Variants in DCUN1D1 observed in about 807,000 individuals in gnomAD.
The protein encoded by DCUN1D1 is defective in cullin neddylation 1 domain containing 1.
In DCUN1D1, 3 loss-of-function variants were observed where a neutral mutation model predicts 39.0. That is an observed-to-expected ratio of 0.08 (90% CI 0.04 to 0.20). DCUN1D1 has a LOEUF of 0.20. Ranked by LOEUF, DCUN1D1 falls within the 10% of genes least tolerant of loss-of-function variation. DCUN1D1 has a pLI of 1.00. For missense variants in DCUN1D1, 158 were observed against 302.4 expected, an observed-to-expected ratio of 0.52 and a Z score of 3.54; for synonymous variants, 82 against 96.3, an observed-to-expected ratio of 0.85 and a Z score of 0.87.
Position 182,945,021 on chromosome 3 carries a change from C to T in DCUN1D1, c.*73G>A, listed in dbSNP as rs1726321808. 55 of 1,306,466 alleles carry T rather than the reference C, an allele frequency of 4.2e-5. No homozygotes were observed. Among genetic ancestry groups the T allele is most frequent in the Non-Finnish European group, 5.8e-5 (53 of 910,856 alleles). The allele number at this position is 1,306,466 out of a possible 1,614,324, so 80.9% of individuals were successfully genotyped here. A position where few individuals can be genotyped will look rare whatever the true frequency, so the allele number is the denominator to read the frequency against. On this transcript the variant is annotated 3_prime_UTR_variant, in exon 7 of 7. Transcript: ENST00000292782. Reference sequence around the variant, plus strand: ...TTGATCTTCAGTTCAGTCCAGCCAGCAGAAATTGACTGTGCAATTTTCTGT... The same window carrying T: ...TTGATCTTCAGTTCAGTCCAGCCAGTAGAAATTGACTGTGCAATTTTCTGT...
chr3:182,939,135 C>T lies in DCUN1D1; in HGVS notation c.*5959G>A, dbSNP rs1055129535. On this transcript the variant is annotated 3_prime_UTR_variant, in exon 7 of 7. Transcript: ENST00000292782. Reference sequence around the variant, plus strand: ...ACTCAAACTGCACATCCAATCGATACACGAGTTGGGATGCCTAGGTATAAC... The same window carrying T: ...ACTCAAACTGCACATCCAATCGATATACGAGTTGGGATGCCTAGGTATAAC... The T allele has an allele frequency of 6.6e-6, 1 of 152,192 alleles. No homozygotes were observed. Among genetic ancestry groups the T allele is most frequent in the African/African-American group, 2.4e-5 (1 of 41,452 alleles). The allele number at this position is 152,192 out of a possible 1,614,324, so 9.4% of individuals were successfully genotyped here.
chr3:182,972,757 G>A (rs1395173075), intron 1 of DCUN1D1, among the ~76,000 whole-genome samples: 1 of 152,108 alleles, frequency 6.6e-6, no homozygotes, highest in Non-Finnish European at 1.5e-5. Flanking sequence ...ACAAAAAAAA[G>A]AGGCTGGGCG....
intron 1 of DCUN1D1, among the ~76,000 whole-genome samples, chr3:182,973,600 A>C (rs1728061468): frequency 6.6e-6 from 1 of 152,168 alleles, no homozygotes; most frequent in South Asian, 2.1e-4. Context: ...TGAGGTCAAG[A>C]GATTGAGACC....
intron 4 of DCUN1D1, among the ~76,000 whole-genome samples, chr3:182,948,195 G>GC (rs1189778572): frequency 6.6e-6 from 1 of 152,190 alleles, no homozygotes; most frequent in Non-Finnish European, 1.5e-5. Context: ...GTGAAGGACT[G>GC]CTCTTCAATC....
At chr3:182,972,707 T>G (rs1560180081) in intron 1 of DCUN1D1, among the ~76,000 whole-genome samples, 1 of 151,600 alleles carries the variant, frequency 6.6e-6, no homozygotes. Context: ...CATCACTAAC[T>G]CCAGCCTAAA....
chr3:182,964,635 CTTT>C (rs951243180), intron 2 of DCUN1D1, among the ~76,000 whole-genome samples: 1 of 107,476 alleles, frequency 9.3e-6, no homozygotes, highest in African/African-American at 3.8e-5. Flanking sequence ...TAACACCTTT[CTTT>C]TTTTTTTTTT....
intron 3 of DCUN1D1, among the ~76,000 whole-genome samples, chr3:182,962,915 G>C (rs1039333392): frequency 6.6e-6 from 1 of 152,074 alleles, no homozygotes; most frequent in Non-Finnish European, 1.5e-5. Context: ...CAAGTAGCTG[G>C]GATTACAGGC....
At chr3:182,965,932 G>A (rs1301127875) in intron 1 of DCUN1D1, among the ~76,000 whole-genome samples, 179 bp from the exon 2 acceptor site, 1 of 152,190 alleles carries the variant, frequency 6.6e-6, no homozygotes, top group African/African-American at 2.4e-5. Context: ...TAAAAAATAT[G>A]AAACAGAAAA....
intron 2 of DCUN1D1, among the ~76,000 whole-genome samples, chr3:182,964,517 ATCTC>A (rs1727564896): frequency 6.6e-6 from 1 of 152,190 alleles, no homozygotes; most frequent in South Asian, 2.1e-4. Context: ...CAATGTAAAT[ATCTC>A]TTGTTTAAAG....
upstream of DCUN1D1, among the ~76,000 whole-genome samples, chr3:182,983,173 C>CAT (rs1196050961): frequency 1.1e-4 from 16 of 152,306 alleles, no homozygotes; most frequent in East Asian, 2.9e-3. Flanking sequence ...AAATGCACCT[C>CAT]ATATTTCAGT....
At position 182,942,829 on chromosome 3, in the gene DCUN1D1, A is replaced by C. The variant is rs1726197730; in HGVS notation, c.*2265T>G. 6.6e-6 allele frequency: 1 copy of C among 151,492 alleles called. No individual in the cohort carries two copies. Among genetic ancestry groups the C allele is most frequent in the East Asian group, 1.9e-4 (1 of 5,176 alleles). The allele number at this position is 151,492 out of a possible 1,614,324, so 9.4% of individuals were successfully genotyped here. A position where few individuals can be genotyped will look rare whatever the true frequency, so the allele number is the denominator to read the frequency against. On this transcript the variant is annotated 3_prime_UTR_variant, in exon 7 of 7. Coordinates refer to ENST00000292782, the MANE Select transcript of DCUN1D1 (RefSeq NM_020640.4). ...GTAGCCAGACATTTATCTTCAGAAT[A>C]ATCACACCACATTAAATCAGTCTTC...
chr3:182,981,923 C>T (rs1390958820), upstream of DCUN1D1, among the ~76,000 whole-genome samples: 1 of 152,176 alleles, frequency 6.6e-6, no homozygotes, highest in Non-Finnish European at 1.5e-5. Context: ...GGTAAATAGT[C>T]CTGCAAGGAG....
At chr3:182,980,367 G>C in intron 1 of DCUN1D1, 120 bp downstream of exon 1, 6 of 747,238 alleles carry the variant, frequency 8.0e-6, no homozygotes, top group Non-Finnish European at 9.8e-6. Flanking sequence ...GCGGGACGGA[G>C]GCCGCGGGCC....
chr3:182,970,340 T>G (rs1727871651), intron 1 of DCUN1D1, among the ~76,000 whole-genome samples: 1 of 152,124 alleles, frequency 6.6e-6, no homozygotes, highest in Non-Finnish European at 1.5e-5. Flanking sequence ...AATAATAAAG[T>G]TTAAAAAGCC....
chr3:182,949,416 G>A (rs1035298228), intron 4 of DCUN1D1, among the ~76,000 whole-genome samples: 2 of 151,806 alleles, frequency 1.3e-5, no homozygotes. Context: ...AAAAACAGAT[G>A]ATTTGTAAGA....
At chr3:182,945,230 C>A in intron 6 of DCUN1D1, 57 bp from the exon 7 acceptor site, 1 of 1,366,848 alleles carries the variant, frequency 7.3e-7, no homozygotes, top group Non-Finnish European at 1.0e-6. Flanking sequence ...AGAAATAAGG[C>A]TAACATTTTA....
intron 2 of DCUN1D1, 152 bp downstream of exon 2, chr3:182,965,385 C>T: frequency 2.0e-6 from 1 of 487,898 alleles, no homozygotes. Flanking sequence ...AATAATTTTT[C>T]CTCAGACCTC....
chr3:182,980,338 G>A (rs1252784304), intron 1 of DCUN1D1, 149 bp downstream of exon 1: 1 of 514,178 alleles, frequency 1.9e-6, no homozygotes, highest in East Asian at 1.4e-4. Flanking sequence ...GAGGCAGGCA[G>A]GAGAGCCCCC....
upstream of DCUN1D1, among the ~76,000 whole-genome samples, chr3:182,984,725 CAT>C (rs1306208689): frequency 2.6e-5 from 4 of 152,098 alleles, no homozygotes; most frequent in East Asian, 5.8e-4. Context: ...CATATTAAGA[CAT>C]AATATTCACT....
Sources: gnomAD v4.1 joint callset for allele counts (sites outside exome capture counted in the v4.1 genomes callset) on GRCh38, gnomAD v4.1.1 for gene constraint, MANE v1.5 for transcripts, NCBI Gene and HGNC (gene_info 2026-07-23, HGNC 2026-07-21) for gene names.